RAB3IL1: variants seen among roughly 807,000 people sequenced by gnomAD.
RAB3IL1 encodes guanine nucleotide exchange factor for Rab-3A.
A neutral mutation model predicts 49.2 loss-of-function variants in RAB3IL1; 37 were observed. The observed-to-expected ratio is 0.75, with a 90% confidence interval of 0.58 to 0.99. The LOEUF is 0.99. RAB3IL1 is among the 50% of genes least tolerant of loss of function. The pLI, the probability that RAB3IL1 is intolerant of heterozygous loss-of-function variation, is 0.00. For synonymous variants in RAB3IL1, 193 were observed against 213.9 expected (o/e 0.90, Z 0.85); for missense variants, 484 against 513.0 (o/e 0.94, Z 0.55).
At chr11:61,929,792 G>A in the RAB3IL1 span, among the ~76,000 whole-genome samples, 2 of 150,788 alleles carry the variant, frequency 1.3e-5, no homozygotes, top group Non-Finnish European at 2.9e-5. Flanking sequence ...CACCACGTTG[G>A]CCAAGATGGT....
upstream of RAB3IL1, among the ~76,000 whole-genome samples, chr11:61,924,828 C>T (rs569655253): frequency 1.3e-5 from 2 of 152,236 alleles, no homozygotes; most frequent in South Asian, 4.1e-4. Context: ...GGGAGTCTGA[C>T]CAAGGTGCCT....
chr11:61,932,133 C>T, the RAB3IL1 span, among the ~76,000 whole-genome samples: 1 of 151,970 alleles, frequency 6.6e-6, no homozygotes, highest in Non-Finnish European at 1.5e-5. Context: ...CGCCTGTAGT[C>T]CCAGCTACTC....
chr11:61,940,191 C>T, the RAB3IL1 span, among the ~76,000 whole-genome samples: 1 of 152,132 alleles, frequency 6.6e-6, no homozygotes, highest in Non-Finnish European at 1.5e-5. Context: ...CCTGTAATCC[C>T]AGCACTTTGG....
At chr11:61,914,352 G>A (rs1413417185) in intron 1 of RAB3IL1, among the ~76,000 whole-genome samples, 1 of 152,228 alleles carries the variant, frequency 6.6e-6, no homozygotes, top group Non-Finnish European at 1.5e-5. Context: ...TAGGTATGAT[G>A]AGCCCCGTCT....
rs919335231 is a variant in RAB3IL1 at position 61,898,072 on chromosome 11, A to AG, written c.*205dup. 1.1e-5 allele frequency: 6 copies of AG among 565,408 alleles called. No individual in the cohort carries two copies. The highest frequency in any genetic ancestry group is 1.9e-5 in the African/African-American group (1 of 52,154). 35.0% of individuals were successfully genotyped at this position (565,408 alleles called of 1,614,324 possible). On this transcript the variant is annotated 3_prime_UTR_variant, in exon 10 of 10. Coordinates refer to ENST00000394836, the MANE Select transcript of RAB3IL1 (RefSeq NM_013401.4). This position sits in a 1 kb window ranked among gnomAD's most constrained non-coding sequence, Gnocchi z 5.1. ...GGTGGCAGAACCCAGTGGGGAAGAG[A>AG]GGGGGGTCTTGCCGTGAAGTCCAGG...
chr11:61,911,720 G>A (rs753495784), intron 1 of RAB3IL1, among the ~76,000 whole-genome samples: 1 of 152,196 alleles, frequency 6.6e-6, no homozygotes, highest in Non-Finnish European at 1.5e-5. Context: ...CTGTTCAGAG[G>A]GTAGGAGTCA....
the RAB3IL1 span, among the ~76,000 whole-genome samples, chr11:61,938,355 A>G: frequency 6.6e-6 from 1 of 152,158 alleles, no homozygotes; most frequent in Non-Finnish European, 1.5e-5. Flanking sequence ...CAGCCACTGC[A>G]CTCCAGCTTG....
chr11:61,918,862 G>T (rs1939819556), upstream of RAB3IL1, among the ~76,000 whole-genome samples: 1 of 152,158 alleles, frequency 6.6e-6, no homozygotes, highest in Non-Finnish European at 1.5e-5. Flanking sequence ...TTCAGCCCAG[G>T]CGTCCCATAG....
the RAB3IL1 span, among the ~76,000 whole-genome samples, chr11:61,934,339 CACACACACACACATATGTATATATAT>C: frequency 7.2e-6 from 1 of 138,258 alleles, no homozygotes; most frequent in African/African-American, 2.6e-5. Context: ...CACACACACA[CACACACACACACATATGTATATATAT>C]ACACACAATA....
chr11:61,942,267 G>A, the RAB3IL1 span, among the ~76,000 whole-genome samples: 17 of 152,250 alleles, frequency 1.1e-4, no homozygotes, highest in African/African-American at 2.9e-4. Flanking sequence ...CAGCATGATC[G>A]TTAAGAGTCA....
chr11:61,899,274 C>T (rs1938775190), intron 9 of RAB3IL1, 40 bp downstream of exon 9: 1 of 1,584,880 alleles, frequency 6.3e-7, no homozygotes, highest in South Asian at 1.1e-5. Context: ...AGCCCCACTC[C>T]CGTGTGCGAT....
the RAB3IL1 span, among the ~76,000 whole-genome samples, chr11:61,930,944 GC>G: frequency 6.6e-6 from 1 of 152,092 alleles, no homozygotes; most frequent in Admixed American, 6.6e-5. Context: ...AATATTTAAA[GC>G]AAAAATAATT....
the RAB3IL1 span, among the ~76,000 whole-genome samples, chr11:61,934,446 G>GTGTGTGTATA: frequency 2.8e-3 from 68 of 24,334 alleles, no homozygotes; most frequent in South Asian, 0.012. Context: ...GTGTGTGTGT[G>GTGTGTGTATA]TATGTATATA....
At chr11:61,912,416 C>T (rs575642272) in intron 1 of RAB3IL1, among the ~76,000 whole-genome samples, 1 of 152,340 alleles carries the variant, frequency 6.6e-6, no homozygotes, top group Admixed American at 6.5e-5. Flanking sequence ...CCTGCAAGCC[C>T]AGCAAAGCTT....
At chr11:61,902,350 A>T in intron 8 of RAB3IL1, 92 bp downstream of exon 8, 1 of 996,846 alleles carries the variant, frequency 1.0e-6, no homozygotes, top group Non-Finnish European at 1.5e-6. Context: ...ATCAAGGTGT[A>T]GTGCTATTCA....
chr11:61,920,880 G>A (rs1343563476), upstream of RAB3IL1, among the ~76,000 whole-genome samples: 1 of 152,126 alleles, frequency 6.6e-6, no homozygotes, highest in Non-Finnish European at 1.5e-5. Context: ...CTGAGACTGG[G>A]CCATTGCACT....
At chr11:61,922,524 GA>G (rs1163943740), upstream of RAB3IL1, among the ~76,000 whole-genome samples, 125 of 143,888 alleles carry the variant, frequency 8.7e-4, no homozygotes, top group East Asian at 8.0e-4. Flanking sequence ...CTCCGTCTTG[GA>G]AAAAAAAAAA....
chr11:61,939,293 G>GA, the RAB3IL1 span, among the ~76,000 whole-genome samples: 10 of 151,712 alleles, frequency 6.6e-5, no homozygotes, highest in African/African-American at 1.9e-4. Context: ...ACGGATCAAA[G>GA]AAAAAATCAC....
chr11:61,934,317 T>TACACAC, the RAB3IL1 span, among the ~76,000 whole-genome samples: 297 of 33,204 alleles, frequency 8.9e-3, 2 homozygotes, highest in Middle Eastern at 0.022. Flanking sequence ...CCTGAGTAAA[T>TACACAC]ATACACACAC....
Sources: allele counts gnomAD v4.1 joint callset (sites outside exome capture counted in the v4.1 genomes callset), GRCh38; gene constraint gnomAD v4.1.1; non-coding constraint Gnocchi (gnomAD v3.1); transcripts MANE v1.5; gene names NCBI Gene and HGNC (gene_info 2026-07-23, HGNC 2026-07-21).